Variants in DAAM2 observed in about 807,000 individuals in gnomAD.
DAAM2 encodes disheveled-associated activator of morphogenesis 2.
A neutral mutation model predicts 120.7 loss-of-function variants in DAAM2; 39 were observed. The ratio of observed to expected loss-of-function variants is 0.32; its 90% confidence interval spans 0.25 to 0.42. The LOEUF is 0.42. DAAM2 is among the 10% of genes least tolerant of loss of function. The pLI, the probability that DAAM2 is intolerant of heterozygous loss-of-function variation, is 1.00. For synonymous variants in DAAM2, 488 were observed against 524.9 expected, an observed-to-expected ratio of 0.93 and a Z score of 0.96; for missense variants, 1,283 against 1,401.7, an observed-to-expected ratio of 0.92 and a Z score of 1.35.
rs539370684 is a variant in DAAM2 at position 39,861,658 on chromosome 6, A to G, written c.258+641A>G. 126 of 162,252 alleles carry G rather than the reference A, an allele frequency of 7.8e-4. 3 individuals carry two copies. In the South Asian group the frequency reaches 0.02, roughly 26 times the overall value. The allele number at this position is 162,252 out of a possible 1,614,324, so 10.1% of individuals were successfully genotyped here. ...GTTTCTTCAGCTTGCCTCTGTCTCT[A>G]CGTCTCTCTCTTGCCCCCTTTCTAT... On this transcript the variant is annotated intron_variant, in intron 3 of 24. Coordinates refer to ENST00000274867, the MANE Select transcript of DAAM2 (RefSeq NM_001201427.2).
At chr6:39,818,772 C>A (rs1000431710) in intron 1 of DAAM2, 1 of 152,160 alleles carries the variant, frequency 6.6e-6, no homozygotes, top group Non-Finnish European at 1.5e-5. Flanking sequence ...TCTTTAGGTT[C>A]CTTTTTCTTG....
intron 21 of DAAM2, chr6:39,897,545 G>A (rs561863919): frequency 6.0e-5 from 18 of 299,698 alleles, no homozygotes; most frequent in African/African-American, 3.7e-4. Flanking sequence ...TGGGCTGCTT[G>A]TAAGGATGAG....
At chr6:39,803,180 G>A (rs1467697) in intron 1 of DAAM2, among the ~76,000 whole-genome samples, 134,721 of 152,230 alleles carry the variant, frequency 0.88, 61,096 homozygotes, top group Non-Finnish European at 0.99. Flanking sequence ...ACATGAATGC[G>A]TTTTTCTTGG....
At position 39,902,325 on chromosome 6, in the gene DAAM2, G is replaced by A. The variant is rs1766542239; in HGVS notation, c.*288G>A. 3.3e-6 allele frequency: 1 copy of A among 306,314 alleles called. No individual in the cohort carries two copies. The highest frequency in any genetic ancestry group is 5.0e-5 in the Admixed American group (1 of 20,074). The allele number at this position is 306,314 out of a possible 1,614,324, so 19.0% of individuals were successfully genotyped here. ...GGTAACCCCAGGCTGAAGGGGCCCT[G>A]CTCCCCATCCCCTACCATGGGCACC... On this transcript the variant is annotated 3_prime_UTR_variant, in exon 25 of 25. Coordinates refer to ENST00000274867, the MANE Select transcript of DAAM2 (RefSeq NM_001201427.2).
At chr6:39,862,619 C>T (rs1764255957) in intron 3 of DAAM2, 1 of 151,848 alleles carries the variant, frequency 6.6e-6, no homozygotes, top group African/African-American at 2.4e-5. Flanking sequence ...GCCTGACCAA[C>T]ATGGAGAAAC....
At chr6:39,803,116 C>T (rs1761915105) in intron 1 of DAAM2, among the ~76,000 whole-genome samples, 1 of 152,156 alleles carries the variant, frequency 6.6e-6, no homozygotes, top group East Asian at 1.9e-4. Context: ...GGTGTCAAGT[C>T]TGGGGCTGTT....
intron 14 of DAAM2, chr6:39,882,191 C>T (rs1024904928): frequency 6.6e-6 from 1 of 152,160 alleles, no homozygotes; most frequent in Non-Finnish European, 1.5e-5. Flanking sequence ...GTGGGCACAT[C>T]AGGGCGACGC....
At chr6:39,865,993 C>G (rs1764414442) in intron 5 of DAAM2, among the ~76,000 whole-genome samples, 1 of 152,212 alleles carries the variant, frequency 6.6e-6, no homozygotes, top group Non-Finnish European at 1.5e-5. Context: ...AGCATTTACA[C>G]CATGGAAATG....
intron 1 of DAAM2, among the ~76,000 whole-genome samples, chr6:39,832,760 A>G (rs776874161): frequency 1.3e-5 from 2 of 152,142 alleles, no homozygotes; most frequent in Non-Finnish European, 2.9e-5. Context: ...GGGTTTCTGC[A>G]GTTCTCCACG....
At chr6:39,842,786 G>A (rs1763400501) in intron 1 of DAAM2, among the ~76,000 whole-genome samples, 1 of 152,036 alleles carries the variant, frequency 6.6e-6, no homozygotes, top group African/African-American at 2.4e-5. Flanking sequence ...GGTTAGGGAG[G>A]CTGCTTGGGG....
At chr6:39,857,141 C>A (rs1245137422) in intron 2 of DAAM2, among the ~76,000 whole-genome samples, 2 of 152,182 alleles carry the variant, frequency 1.3e-5, no homozygotes, top group East Asian at 3.8e-4. Context: ...ACCCTGGCCA[C>A]AAATAGACAG....
chr6:39,904,182 T>C lies in DAAM2; in HGVS notation c.*2145T>C. 4 of 456,662 alleles carry C rather than the reference T, an allele frequency of 8.8e-6. No individual in the cohort carries two copies. The highest frequency in any genetic ancestry group is 7.0e-5 in the Admixed American group (3 of 42,574). The allele number at this position is 456,662 out of a possible 1,614,324, so 28.3% of individuals were successfully genotyped here. A position where few individuals can be genotyped will look rare whatever the true frequency, so the allele number is the denominator to read the frequency against. On this transcript the variant is annotated 3_prime_UTR_variant, in exon 25 of 25. Coordinates refer to ENST00000274867, the MANE Select transcript of DAAM2 (RefSeq NM_001201427.2). ...ACTATGGAAGCTGTTCAAGATACAT[T>C]TGATCTTCAGAAAAGCAGAATTTGG...
At position 39,896,881 on chromosome 6, in the gene DAAM2, C is replaced by G; in HGVS notation, c.2411C>G (p.Ala804Gly). Residue 804 changes from alanine to glycine, a missense_variant, in exon 20 of 25, where the codon GCC becomes GGC. Transcript: ENST00000274867. The stretch of plus-strand genomic sequence containing the variant: ...AGACAGATGCTAGAGGTCATCCTAG[C>G]CATAGGCAACTTCATGAACAAAGGG... ...RLRQMLEVIL[A>G]IGNFMNKGQR... is the part of the protein sequence containing the mutation. The G allele has an allele frequency of 6.2e-7, 1 of 1,613,758 alleles. No individual in the cohort carries two copies. Among genetic ancestry groups the G allele is most frequent in the South Asian group, 1.1e-5 (1 of 91,054 alleles).
chr6:39,804,114 G>A (rs1761942594), intron 1 of DAAM2, among the ~76,000 whole-genome samples: 1 of 152,166 alleles, frequency 6.6e-6, no homozygotes, highest in Non-Finnish European at 1.5e-5. Flanking sequence ...TTGGCCTGAT[G>A]TGGCATCCTC....
At chr6:39,802,596 C>G (rs746729904) in intron 1 of DAAM2, among the ~76,000 whole-genome samples, 6 of 152,112 alleles carry the variant, frequency 3.9e-5, no homozygotes, top group Non-Finnish European at 7.3e-5. Flanking sequence ...TCCCCAGCAT[C>G]CTGCATAGTG....
At position 39,838,891 on chromosome 6, in the gene DAAM2, G is replaced by A. The variant is rs9471183; in HGVS notation, c.-56-17356G>A. Reference sequence around the variant, plus strand: ...CCAGGCTGGTCTCAAACTCCTGACCGCAAGTGACCCACCCACCTCGGCCTC... The same window carrying A: ...CCAGGCTGGTCTCAAACTCCTGACCACAAGTGACCCACCCACCTCGGCCTC... On this transcript the variant is annotated intron_variant, in intron 1 of 24. Transcript: ENST00000274867. Among the ~76,000 whole-genome samples, 148 of 151,842 alleles carry A rather than the reference G, an allele frequency of 9.7e-4. 1 individual carries two copies. The highest frequency in any genetic ancestry group is 1.6e-3 in the Non-Finnish European group (108 of 67,954).
At chr6:39,854,420 C>T (rs577676079) in intron 1 of DAAM2, among the ~76,000 whole-genome samples, 1 of 152,216 alleles carries the variant, frequency 6.6e-6, no homozygotes, top group African/African-American at 2.4e-5. Flanking sequence ...TTATGAGAGC[C>T]AGCAGCAAAA....
At chr6:39,865,420 G>A (rs1257690091) in intron 5 of DAAM2, among the ~76,000 whole-genome samples, 3 of 152,266 alleles carry the variant, frequency 2.0e-5, no homozygotes, top group African/African-American at 7.2e-5. Flanking sequence ...GCCTTGTGAG[G>A]ATGAGGGGGC....
intron 1 of DAAM2, among the ~76,000 whole-genome samples, chr6:39,830,485 G>A (rs529402988): frequency 2.6e-5 from 4 of 152,278 alleles, no homozygotes; most frequent in East Asian, 3.9e-4. Flanking sequence ...TGAGGCCTGC[G>A]TCTTCTTCAT....
Sources: gnomAD v4.1 joint callset for allele counts (sites outside exome capture counted in the v4.1 genomes callset) on GRCh38, gnomAD v4.1.1 for gene constraint, MANE v1.5 for transcripts, NCBI Gene and HGNC (gene_info 2026-07-23, HGNC 2026-07-21) for gene names.